The following TRPC6 variants were observed in gnomAD, a reference collection of about 807,000 sequenced individuals.
TRPC6 encodes transient receptor potential cation channel subfamily C member 6, also known as short transient receptor potential channel 6.
Under a neutral mutation model 90.7 loss-of-function variants are expected in TRPC6, and 55 were observed. That is an observed-to-expected ratio of 0.61 (90% confidence interval 0.49 to 0.76). TRPC6 has a LOEUF of 0.76. Ranked by LOEUF, TRPC6 falls within the 30% of genes least tolerant of loss-of-function variation. TRPC6 has a pLI of 0.00. For missense variants in TRPC6, 989 were observed against 1,122.7 expected (o/e 0.88, Z 1.70); for synonymous variants, 393 against 393.0 (o/e 1.00, Z 0.00).
chr11:101,491,292 G>A (rs1055669151), intron 3 of TRPC6: 23 of 353,484 alleles, frequency 6.5e-5, no homozygotes, highest in Middle Eastern at 9.9e-4. Flanking sequence ...AAATTAGCCG[G>A]GCGTGGTGGT....
At chr11:101,479,338 G>A (rs1310289833) in intron 5 of TRPC6, among the ~76,000 whole-genome samples, 2 of 152,242 alleles carry the variant, frequency 1.3e-5, no homozygotes, top group African/African-American at 2.4e-5. Flanking sequence ...TGCTCCTAAG[G>A]CCCTTTTCAC....
rs771163499 is a variant in TRPC6, at chr11:101,476,321, T to G, written c.1724A>C (p.Asn575Thr). 5 of 1,613,918 alleles carry G rather than the reference T, an allele frequency of 3.1e-6. No individual in the cohort carries two copies. The East Asian group carries it at 1.1e-4, about 36-fold the overall frequency. Reference sequence around the variant, plus strand: ...CTCACCCAAATTGTAGTATTTCACATTGTCTCCCAATGTTACTTTCGTCAA... The same window carrying G: ...CTCACCCAAATTGTAGTATTTCACAGTGTCTCCCAATGTTACTTTCGTCAA... ...KDLTKVTLGD[N>T]VKYYNLARIK... The change falls in exon 6 of 13, where the codon AAT becomes ACT. Residue 575 changes from asparagine (N) to threonine (T), a missense_variant. Physicochemically the swap from Asn to Thr is moderately conservative, Grantham distance 65. This residue lies in a region of TRPC6 where 486 missense variants were observed against 591.9 expected (regional missense o/e 0.82). Coordinates refer to ENST00000344327, the MANE Select transcript of TRPC6 (RefSeq NM_004621.6).
rs1191913619 is a variant in TRPC6, at chr11:101,452,299, A to G, written c.*656T>C. 6.5e-6 allele frequency: 1 copy of G among 153,058 alleles called. No individual in the cohort carries two copies. Among genetic ancestry groups the G allele is most frequent in the East Asian group, 1.9e-4 (1 of 5,206 alleles). The allele number at this position is 153,058 out of a possible 1,614,324, so 9.5% of individuals were successfully genotyped here. On this transcript the variant is annotated 3_prime_UTR_variant, in exon 13 of 13. Transcript: ENST00000344327. The stretch of plus-strand genomic sequence containing the variant: ...ACATTTACACACACGCACACACACA[A>G]AACTGGACCATGTTTCCAGGGTTCA...
intron 1 of TRPC6, among the ~76,000 whole-genome samples, chr11:101,509,107 G>T (rs1047196554): frequency 6.0e-5 from 9 of 150,636 alleles, no homozygotes; most frequent in African/African-American, 2.2e-4. Flanking sequence ...GACTGAGATG[G>T]TAATTGATGT....
intron 10 of TRPC6, among the ~76,000 whole-genome samples, chr11:101,469,127 C>T (rs184660006): frequency 7.7e-4 from 118 of 152,332 alleles, no homozygotes; most frequent in African/African-American, 2.7e-3. Flanking sequence ...TAATCATACC[C>T]TCCATCAGGT....
chr11:101,524,790 A>T lies in TRPC6; in HGVS notation c.171-19992T>A, dbSNP rs1393106146. Among the ~76,000 whole-genome samples, 5 of 152,352 alleles carry T rather than the reference A, an allele frequency of 3.3e-5. No individual in the cohort carries two copies. In the East Asian group the frequency reaches 7.7e-4, roughly 24 times the overall value. On this transcript the variant is annotated intron_variant, in intron 1 of 12. Coordinates refer to ENST00000344327, the MANE Select transcript of TRPC6 (RefSeq NM_004621.6). ...AATTTGATGCAGTGTTATCCATGGA[A>T]GGAATAAGTACAGGTGATTTTATCT...
At chr11:101,489,551 C>A (rs1171949885) in intron 3 of TRPC6, among the ~76,000 whole-genome samples, 4 of 152,056 alleles carry the variant, frequency 2.6e-5, no homozygotes, top group Non-Finnish European at 2.9e-5. Context: ...GGCTCTGTCT[C>A]TGGACTGCCT....
intron 1 of TRPC6, among the ~76,000 whole-genome samples, chr11:101,549,187 T>C (rs915101886): frequency 6.6e-6 from 1 of 151,960 alleles, no homozygotes; most frequent in African/African-American, 2.4e-5. Flanking sequence ...GCAAGTGAAG[T>C]ACAAAATCAA....
At chr11:101,576,515 G>A (rs1174954878) in intron 1 of TRPC6, among the ~76,000 whole-genome samples, 2 of 152,156 alleles carry the variant, frequency 1.3e-5, no homozygotes, top group East Asian at 3.9e-4. Flanking sequence ...AAAGCCTCTT[G>A]AGCAGCATAC....
At chr11:101,476,021 T>G (rs1347491006) in intron 6 of TRPC6, among the ~76,000 whole-genome samples, 1 of 151,872 alleles carries the variant, frequency 6.6e-6, no homozygotes, top group African/African-American at 2.4e-5. Flanking sequence ...ATCCAGGACA[T>G]AAGACATGTA....
chr11:101,456,169 C>T (rs1858879436), intron 10 of TRPC6, among the ~76,000 whole-genome samples: 1 of 151,994 alleles, frequency 6.6e-6, no homozygotes, highest in Non-Finnish European at 1.5e-5. Flanking sequence ...TTTAGGTTCC[C>T]AAAACGAGCA....
chr11:101,493,639 G>A (rs918507789), intron 2 of TRPC6, among the ~76,000 whole-genome samples: 1 of 152,154 alleles, frequency 6.6e-6, no homozygotes, highest in African/African-American at 2.4e-5. Flanking sequence ...TTCCCATTTT[G>A]CACATGAAAA....
Position 101,483,029 on chromosome 11 carries a change from GTGC to G in TRPC6, c.1427_1429del (p.Ser476del). On this transcript the variant is annotated inframe_deletion, in exon 5 of 13. Transcript: ENST00000344327. ...CCTGAACAGCTGTTTTGCATTATCT[GTGC>G]TGGTTTCATTAGGAAGGAGTTTTGT... 3 of 1,614,062 alleles carry G rather than the reference GTGC, an allele frequency of 1.9e-6. No individual in the cohort carries two copies. The highest frequency in any genetic ancestry group is 2.5e-6 in the Non-Finnish European group (3 of 1,179,954).
At position 101,474,630 on chromosome 11, in the gene TRPC6, CTTAAAA is replaced by C. The variant is rs557435725; in HGVS notation, c.1745-863_1745-858del. Among the ~76,000 whole-genome samples the C allele has an allele frequency of 3.6e-4, 55 of 152,022 alleles. No homozygotes were observed. In the South Asian group the frequency reaches 8.9e-3, roughly 25 times the overall value. Reference sequence around the variant, plus strand: ...TTTAATTAAGTGCATTTTAAAAAATCTTAAAATTAAACATTAAAATAAACATTAATA... The same window carrying C: ...TTTAATTAAGTGCATTTTAAAAAATCTTAAACATTAAAATAAACATTAATA... On this transcript the variant is annotated intron_variant, in intron 6 of 12. Coordinates refer to ENST00000344327, the MANE Select transcript of TRPC6 (RefSeq NM_004621.6).
chr11:101,480,172 C>A (rs1859518910), intron 5 of TRPC6, among the ~76,000 whole-genome samples: 1 of 152,038 alleles, frequency 6.6e-6, no homozygotes, highest in Non-Finnish European at 1.5e-5. Flanking sequence ...GTGTGAAACT[C>A]CGTCTCAAAA....
intron 10 of TRPC6, among the ~76,000 whole-genome samples, chr11:101,464,855 G>A (rs2136656935): frequency 6.6e-6 from 1 of 152,236 alleles, no homozygotes; most frequent in Middle Eastern, 3.4e-3. Flanking sequence ...TGGTTATTGT[G>A]CCTGTTAGTT....
At chr11:101,577,737 T>C (rs1286886194) in intron 1 of TRPC6, among the ~76,000 whole-genome samples, 1 of 152,158 alleles carries the variant, frequency 6.6e-6, no homozygotes, top group Non-Finnish European at 1.5e-5. Flanking sequence ...AGAGCAGTTA[T>C]AGCCAGCCAG....
chr11:101,580,932 C>G (rs1467698248), intron 1 of TRPC6, among the ~76,000 whole-genome samples: 1 of 152,160 alleles, frequency 6.6e-6, no homozygotes, highest in African/African-American at 2.4e-5. Context: ...TCTCATACAT[C>G]ATAGGTGTGA....
intron 2 of TRPC6, among the ~76,000 whole-genome samples, chr11:101,494,307 G>C (rs776225053): frequency 1.4e-4 from 21 of 152,050 alleles, no homozygotes; most frequent in Non-Finnish European, 2.9e-4. Flanking sequence ...ATGAAGTAGG[G>C]GTTCTTATTA....
Sources: allele counts gnomAD v4.1 joint callset (sites outside exome capture counted in the v4.1 genomes callset), GRCh38; gene constraint gnomAD v4.1.1; regional missense constraint gnomAD v4.1.1; transcripts MANE v1.5; gene names NCBI Gene and HGNC (gene_info 2026-07-23, HGNC 2026-07-21).